Variants in CCBE1 observed in about 807,000 individuals in gnomAD.
CCBE1 encodes collagen and calcium-binding EGF domain-containing protein 1.
Under a neutral mutation model 50.0 loss-of-function variants are expected in CCBE1, and 37 were observed. That is an observed-to-expected ratio of 0.74 (90% CI 0.57 to 0.97). CCBE1 has a LOEUF of 0.97. CCBE1 is among the 50% of genes least tolerant of loss of function. CCBE1 has a pLI of 0.00. For synonymous variants in CCBE1, 234 were observed against 203.7 expected, an observed-to-expected ratio of 1.15 and a Z score of -1.27; for missense variants, 538 against 523.8, an observed-to-expected ratio of 1.03 and a Z score of -0.26.
chr18:59,606,304 C>G (rs554846698), intron 2 of CCBE1, among the ~76,000 whole-genome samples: 1 of 152,124 alleles, frequency 6.6e-6, no homozygotes, highest in Non-Finnish European at 1.5e-5. Context: ...ACACAGTGAC[C>G]CTTTCAGGGA....
chr18:59,567,122 TTTTC>T (rs1051402280), intron 2 of CCBE1, among the ~76,000 whole-genome samples: 2 of 152,136 alleles, frequency 1.3e-5, no homozygotes, highest in Non-Finnish European at 2.9e-5. Flanking sequence ...TTTTCTTTTC[TTTTC>T]TTTTTTTTTG....
At chr18:59,567,072 A>T (rs1049875889) in intron 2 of CCBE1, among the ~76,000 whole-genome samples, 12 of 152,142 alleles carry the variant, frequency 7.9e-5, no homozygotes, top group African/African-American at 2.7e-4. Context: ...TCCTCTCATC[A>T]TGATGTCCTG....
intron 2 of CCBE1, among the ~76,000 whole-genome samples, chr18:59,639,675 C>G (rs967060401): frequency 6.6e-6 from 1 of 152,124 alleles, no homozygotes; most frequent in Non-Finnish European, 1.5e-5. Flanking sequence ...TAAAAGGTAT[C>G]AAAATATTAA....
chr18:59,681,136 C>T (rs1024272683), intron 2 of CCBE1, among the ~76,000 whole-genome samples: 3 of 151,908 alleles, frequency 2.0e-5, no homozygotes, highest in African/African-American at 4.8e-5. Context: ...CACCATTTCC[C>T]TCGGAATCTT....
At chr18:59,579,399 T>TAAAAAAAA (rs111786909) in intron 2 of CCBE1, among the ~76,000 whole-genome samples, 1 of 140,988 alleles carries the variant, frequency 7.1e-6, no homozygotes, top group African/African-American at 2.6e-5. Flanking sequence ...TGGGGATCTT[T>TAAAAAAAA]AAAAAAAAAA....
In CCBE1 at chr18:59,503,012, C is replaced by A. The variant is rs977567384; in HGVS notation, c.213-22774G>T. The stretch of plus-strand genomic sequence containing the variant: ...GGAAAGGCTGTCTCCTATTCAAAGA[C>A]AGGCTTCCTGGCATGCAATCACACA... On this transcript the variant is annotated intron_variant, in intron 2 of 10. Transcript: ENST00000439986. 3.2e-4 allele frequency among the ~76,000 whole-genome samples: 48 copies of A among 152,342 alleles called. 1 individual carries two copies. The highest frequency in any genetic ancestry group is 1.2e-3 in the African/African-American group (48 of 41,588).
chr18:59,484,527 G>C (rs994061743), intron 2 of CCBE1, among the ~76,000 whole-genome samples: 1 of 152,182 alleles, frequency 6.6e-6, no homozygotes, highest in East Asian at 1.9e-4. Flanking sequence ...AAGGGCTTAG[G>C]ACTGTCCACG....
chr18:59,467,376 G>A (rs117671146), intron 4 of CCBE1, among the ~76,000 whole-genome samples: 1 of 152,146 alleles, frequency 6.6e-6, no homozygotes, highest in African/African-American at 2.4e-5. Context: ...GACCCCACAG[G>A]TCACTTAGGA....
chr18:59,613,225 G>T (rs1271034658), intron 2 of CCBE1, among the ~76,000 whole-genome samples: 1 of 152,098 alleles, frequency 6.6e-6, no homozygotes, highest in East Asian at 1.9e-4. Context: ...CAACTACATA[G>T]TAGCAGGCAG....
rs543603247 is a variant in CCBE1 at position 59,618,937 on chromosome 18, G to A, written c.212+77692C>T. 2.6e-5 allele frequency among the ~76,000 whole-genome samples: 4 copies of A among 152,176 alleles called. No homozygotes were observed. The South Asian group carries it at 8.3e-4, about 32-fold the overall frequency. On this transcript the variant is annotated intron_variant, in intron 2 of 10. Transcript: ENST00000439986. ...GGAGAGAGAATATCTGCTACTCCAG[G>A]TATTGGATTTCAGTGTTATATTAGG...
intron 2 of CCBE1, among the ~76,000 whole-genome samples, chr18:59,595,805 A>G (rs2053342170): frequency 6.6e-6 from 1 of 152,204 alleles, no homozygotes; most frequent in Non-Finnish European, 1.5e-5. Context: ...GGATGATTAC[A>G]TTTTAATACC....
chr18:59,625,169 C>A (rs1205720365), intron 2 of CCBE1, among the ~76,000 whole-genome samples: 3 of 152,186 alleles, frequency 2.0e-5, no homozygotes, highest in Non-Finnish European at 4.4e-5. Flanking sequence ...TGGTGGCTCC[C>A]ACCTGTAATC....
At chr18:59,493,690 G>A (rs1372195341) in intron 2 of CCBE1, among the ~76,000 whole-genome samples, 2 of 152,120 alleles carry the variant, frequency 1.3e-5, no homozygotes, top group East Asian at 1.9e-4. Context: ...ACACAGATTA[G>A]TAAGATTTAC....
intron 2 of CCBE1, among the ~76,000 whole-genome samples, chr18:59,508,369 A>G (rs997944055): frequency 6.6e-6 from 1 of 151,842 alleles, no homozygotes; most frequent in South Asian, 2.1e-4. Context: ...AGGCCGAGGC[A>G]GGTGGATAAT....
rs150266302 is a variant in CCBE1, at chr18:59,442,477, C to T, written c.776-2661G>A. Among the ~76,000 whole-genome samples the T allele has an allele frequency of 3.3e-3, 505 of 152,212 alleles. 1 individual carries two copies. The highest frequency in any genetic ancestry group is 0.012 in the African/African-American group (478 of 41,534). ...GTGCGGTGGCTCATGCCTGTAATCC[C>T]AGCACTTTGAGAGGCTGAGGTGGGC... is the stretch of plus-strand genomic sequence containing the variant. On this transcript the variant is annotated intron_variant, in intron 7 of 10. Coordinates refer to ENST00000439986, the MANE Select transcript of CCBE1 (RefSeq NM_133459.4).
intron 2 of CCBE1, among the ~76,000 whole-genome samples, chr18:59,677,859 A>T (rs1305310421): frequency 3.3e-5 from 5 of 152,178 alleles, no homozygotes; most frequent in Admixed American, 3.3e-4. Context: ...GTGAGTGGGG[A>T]TGGCTTTTGA....
chr18:59,454,770 A>G (rs1911101433), intron 6 of CCBE1, 81 bp downstream of exon 6: 2 of 1,177,618 alleles, frequency 1.7e-6, no homozygotes, highest in Admixed American at 3.4e-5. Context: ...ATATTTTCTT[A>G]TTTGTAAATA....
chr18:59,582,399 G>T (rs7227544), intron 2 of CCBE1, among the ~76,000 whole-genome samples: 1,931 of 152,310 alleles, frequency 0.013, 33 homozygotes, highest in African/African-American at 0.044. Context: ...CAGCTGAGCA[G>T]GTACCAGTCT....
At chr18:59,682,386 A>G (rs1199658594) in intron 2 of CCBE1, among the ~76,000 whole-genome samples, 2 of 152,212 alleles carry the variant, frequency 1.3e-5, no homozygotes, top group Non-Finnish European at 2.9e-5. Flanking sequence ...ATGTCTCCCA[A>G]GTTCCAGAAC....
Sources: allele counts gnomAD v4.1 joint callset (sites outside exome capture counted in the v4.1 genomes callset), GRCh38; gene constraint gnomAD v4.1.1; transcripts MANE v1.5; gene names NCBI Gene and HGNC (gene_info 2026-07-23, HGNC 2026-07-21).